RETREG1: variants seen among roughly 807,000 people sequenced by gnomAD.
RETREG1 encodes reticulophagy regulator 1.
A neutral mutation model predicts 54.8 loss-of-function variants in RETREG1; 44 were observed. The observed-to-expected ratio is 0.80, with a 90% CI of 0.63 to 1.03. RETREG1 has a LOEUF of 1.03. Among genes scored for constraint, RETREG1 ranks in the 50% least tolerant of loss-of-function variants. RETREG1 has a pLI of 0.00. For synonymous variants in RETREG1, 217 were observed against 238.5 expected (o/e 0.91, Z 0.83); for missense variants, 554 against 605.1 (o/e 0.92, Z 0.89).
chr5:16,586,178 G>A (rs1742621926), intron 1 of RETREG1, among the ~76,000 whole-genome samples: 1 of 152,292 alleles, frequency 6.6e-6, no homozygotes, highest in Admixed American at 6.5e-5. Flanking sequence ...GAAGAAAGAA[G>A]AAATAAACTC....
chr5:16,487,528 T>G (rs1739065014), intron 3 of RETREG1, among the ~76,000 whole-genome samples: 2 of 152,220 alleles, frequency 1.3e-5, no homozygotes, highest in African/African-American at 2.4e-5. Context: ...AGCCCCAGCC[T>G]CTACATGGCC....
At chr5:16,483,130 G>A in intron 4 of RETREG1, 1 of 553,760 alleles carries the variant, frequency 1.8e-6, no homozygotes, top group Non-Finnish European at 3.2e-6. Flanking sequence ...TATATAAAAT[G>A]TAAAACCAAT....
chr5:16,593,576 A>G lies in RETREG1; in HGVS notation c.321-21474T>C, dbSNP rs563493910. ...TAATGACAGCTTGCCAAATTGGGGG[A>G]AAAAAAAAACTATGGGGAACATTAA... On this transcript the variant is annotated intron_variant, in intron 1 of 8. Transcript: ENST00000306320. The surrounding 1 kb of genome is among the most constrained non-coding windows in gnomAD (Gnocchi z 4.9). Among the ~76,000 whole-genome samples the G allele has an allele frequency of 2.3e-4, 34 of 149,870 alleles. No homozygotes were observed. The highest frequency in any genetic ancestry group is 9.7e-4 in the East Asian group (5 of 5,130).
intron 3 of RETREG1, among the ~76,000 whole-genome samples, chr5:16,483,710 G>A (rs1201028500): frequency 3.9e-5 from 6 of 152,114 alleles, no homozygotes; most frequent in Admixed American, 3.9e-4. Flanking sequence ...GGAGAACAGG[G>A]TGAGGCTTAG....
Position 16,475,025 on chromosome 5 carries a change from G to T in RETREG1, c.1210C>A (p.Gln404Lys). Residue 404 changes from glutamine to lysine, a missense_variant, in exon 9 of 9, where the codon CAA becomes AAA. Coordinates refer to ENST00000306320, the MANE Select transcript of RETREG1 (RefSeq NM_001034850.3). The part of the protein sequence containing the change: ...AGLTLPLNSD[Q>K]TFHLMSNLAG... ...AGGTTGCTCATCAGGTGAAAGGTTT[G>T]GTCACTGTTCAGAGGAAGGGTGAGA... is the stretch of plus-strand genomic sequence containing the variant. 6.2e-7 allele frequency: 1 copy of T among 1,613,724 alleles called. No homozygotes were observed.
intron 3 of RETREG1, among the ~76,000 whole-genome samples, chr5:16,544,708 C>A (rs1741341720): frequency 2.0e-5 from 3 of 152,204 alleles, no homozygotes; most frequent in Non-Finnish European, 4.4e-5. Flanking sequence ...GCCTTTGAAC[C>A]TTCGTTGGAA....
chr5:16,576,297 T>TTTC (rs1320360493), intron 1 of RETREG1, among the ~76,000 whole-genome samples: 6 of 145,626 alleles, frequency 4.1e-5, no homozygotes, highest in African/African-American at 1.5e-4. Context: ...TCTTTTTCTT[T>TTTC]TTTTTTTTTT....
chr5:16,607,384 T>C (rs1488131794), intron 1 of RETREG1, among the ~76,000 whole-genome samples: 1 of 152,076 alleles, frequency 6.6e-6, no homozygotes, highest in African/African-American at 2.4e-5. Context: ...CTGGCCAAGA[T>C]GGGCAGATCA....
intron 2 of RETREG1, among the ~76,000 whole-genome samples, chr5:16,568,389 AGC>A: frequency 6.6e-6 from 1 of 151,748 alleles, no homozygotes; most frequent in African/African-American, 2.4e-5. Context: ...CTCCTGCCTC[AGC>A]CTCTTCAGTA....
At chr5:16,480,928 C>A in intron 5 of RETREG1, 81 bp downstream of exon 5, 2 of 906,022 alleles carry the variant, frequency 2.2e-6, no homozygotes, top group East Asian at 2.4e-5. Flanking sequence ...CTCATCCCCC[C>A]TCTTCAAACT....
chr5:16,558,052 AAAC>A (rs1342971296), intron 3 of RETREG1, among the ~76,000 whole-genome samples: 1 of 152,106 alleles, frequency 6.6e-6, no homozygotes, highest in Non-Finnish European at 1.5e-5. Context: ...AAGAAAGAAA[AAAC>A]AAAAATTTTA....
chr5:16,562,987 T>A (rs1007988992), intron 3 of RETREG1, among the ~76,000 whole-genome samples: 1 of 149,088 alleles, frequency 6.7e-6, no homozygotes, highest in Non-Finnish European at 1.5e-5. Context: ...AATGGGGGGA[T>A]GGGGGGGACT....
intron 3 of RETREG1, among the ~76,000 whole-genome samples, chr5:16,501,900 G>T (rs1739731942): frequency 6.6e-6 from 1 of 150,700 alleles, no homozygotes; most frequent in African/African-American, 2.4e-5. Flanking sequence ...TACTACCAGA[G>T]ATATCCTTTC....
rs186493893 is a variant in RETREG1, at chr5:16,582,675, A to C, written c.321-10573T>G. Among the ~76,000 whole-genome samples the C allele has an allele frequency of 3.2e-3, 458 of 142,952 alleles. 2 individuals carry two copies. The highest frequency in any genetic ancestry group is 0.011 in the African/African-American group (432 of 38,896). 93.8% of individuals were successfully genotyped at this position (142,952 alleles called of 152,430 possible). A position where few individuals can be genotyped will look rare whatever the true frequency, so the allele number is the denominator to read the frequency against. On this transcript the variant is annotated intron_variant, in intron 1 of 8. Transcript: ENST00000306320. Reference sequence around the variant, plus strand: ...AAAATAAAATAAGAAAAAAAAAAAAACGGCCTGGGTAATCCCCGGCTTATT... The same window carrying C: ...AAAATAAAATAAGAAAAAAAAAAAACCGGCCTGGGTAATCCCCGGCTTATT...
At chr5:16,482,943 G>A (rs1738860496) in intron 4 of RETREG1, 1 of 162,654 alleles carries the variant, frequency 6.1e-6, no homozygotes, top group Admixed American at 6.0e-5. Context: ...TTTTTAGCTT[G>A]AAAATAAGAT....
chr5:16,559,829 T>A (rs978252951), intron 3 of RETREG1, among the ~76,000 whole-genome samples: 10 of 152,206 alleles, frequency 6.6e-5, no homozygotes, highest in Non-Finnish European at 1.2e-4. Flanking sequence ...ATGCTACAGT[T>A]TCATGCAGAA....
chr5:16,578,826 C>G (rs565760203), intron 1 of RETREG1, among the ~76,000 whole-genome samples: 1 of 152,326 alleles, frequency 6.6e-6, no homozygotes, highest in South Asian at 2.1e-4. Flanking sequence ...AAATCCCAGC[C>G]TTCCCCCTGC....
intron 1 of RETREG1, among the ~76,000 whole-genome samples, chr5:16,575,399 C>T (rs796874341): frequency 3.3e-5 from 5 of 152,308 alleles, no homozygotes; most frequent in African/African-American, 1.2e-4. Flanking sequence ...AGACAGAAAG[C>T]TCCCTCAAGT....
intron 3 of RETREG1, among the ~76,000 whole-genome samples, chr5:16,543,163 C>G (rs781650928): frequency 6.6e-6 from 1 of 152,140 alleles, no homozygotes; most frequent in Non-Finnish European, 1.5e-5. Context: ...TGATTTGTAT[C>G]AATAATTCAC....
Sources: gnomAD v4.1 joint callset for allele counts (sites outside exome capture counted in the v4.1 genomes callset) on GRCh38, gnomAD v4.1.1 for gene constraint, Gnocchi (gnomAD v3.1) non-coding constraint, MANE v1.5 for transcripts, NCBI Gene and HGNC (gene_info 2026-07-23, HGNC 2026-07-21) for gene names.